The following BLTP1 variants were observed in gnomAD, a reference collection of about 807,000 sequenced individuals.
The protein encoded by BLTP1 is fragile site-associated protein.
At chr4:122,331,473 T>C in the BLTP1 span, 1 of 1,611,892 alleles carries the variant, frequency 6.2e-7, no homozygotes. Context: ...GGGTTGAAAT[T>C]GATAGTGGAA....
At chr4:122,262,189 T>TG in the BLTP1 span, among the ~76,000 whole-genome samples, 2 of 150,888 alleles carry the variant, frequency 1.3e-5, no homozygotes, top group South Asian at 2.1e-4. Context: ...TGTGTGTGTA[T>TG]AGTAAGTTTT....
At chr4:122,187,026 CA>C in the BLTP1 span, 1 of 985,128 alleles carries the variant, frequency 1.0e-6, no homozygotes, top group Non-Finnish European at 1.2e-6. Context: ...GTGCTTAAAA[CA>C]GTAGACAAAC....
chr4:122,206,180 G>T, the BLTP1 span: 4 of 513,274 alleles, frequency 7.8e-6, no homozygotes, highest in Non-Finnish European at 1.0e-5. Context: ...ATTCACCATT[G>T]TAGTCCTAGA....
the BLTP1 span, chr4:122,305,113 A>G: frequency 3.9e-6 from 5 of 1,279,210 alleles, no homozygotes; most frequent in Non-Finnish European, 5.0e-6. Context: ...TTCTGATTAT[A>G]AATTCAGTGA....
chr4:122,343,400 C>T, the BLTP1 span: 2 of 1,612,586 alleles, frequency 1.2e-6, no homozygotes, highest in Non-Finnish European at 1.7e-6. Context: ...ATTTCCTGTG[C>T]TCACTGTAGG....
At chr4:122,234,874 G>A in the BLTP1 span, 1 of 1,613,410 alleles carries the variant, frequency 6.2e-7, no homozygotes, top group Non-Finnish European at 8.5e-7. Flanking sequence ...ACAGTAACTG[G>A]CCTAGATTTC....
the BLTP1 span, chr4:122,189,966 T>C: frequency 6.2e-7 from 1 of 1,604,432 alleles, no homozygotes; most frequent in Non-Finnish European, 8.5e-7. Context: ...TCTGGAGATT[T>C]GTTTAGTTTG....
chr4:122,251,113 A>C, the BLTP1 span: 1 of 985,076 alleles, frequency 1.0e-6, no homozygotes, highest in East Asian at 1.1e-4. Flanking sequence ...TCGTGCCACT[A>C]ACTGGTGACC....
chr4:122,192,369 G>T, the BLTP1 span: 1 of 1,600,646 alleles, frequency 6.2e-7, no homozygotes, highest in Middle Eastern at 1.7e-4. Context: ...ACCATGGGCC[G>T]ATAGGCAGAG....
chr4:122,199,236 A>T, the BLTP1 span: 8 of 1,374,920 alleles, frequency 5.8e-6, no homozygotes, highest in African/African-American at 1.5e-5. Flanking sequence ...GGTGTGTTTA[A>T]ATAGTGACTA....
the BLTP1 span, chr4:122,263,304 C>A: frequency 1.4e-6 from 2 of 1,405,750 alleles, no homozygotes; most frequent in Non-Finnish European, 1.8e-6. Flanking sequence ...ATCCAAATAC[C>A]AACATTATGC....
the BLTP1 span, among the ~76,000 whole-genome samples, chr4:122,194,052 C>T: frequency 2.6e-5 from 4 of 152,010 alleles, no homozygotes; most frequent in South Asian, 4.2e-4. Flanking sequence ...TTAGTAGAGA[C>T]GGGGTTTCAC....
chr4:122,245,052 C>G, the BLTP1 span: 2 of 1,611,850 alleles, frequency 1.2e-6, no homozygotes, highest in Admixed American at 3.3e-5. Flanking sequence ...TGTGCTAGTA[C>G]CCGACATCCA....
At chr4:122,307,556 T>A in the BLTP1 span, 1 of 984,450 alleles carries the variant, frequency 1.0e-6, no homozygotes, top group Non-Finnish European at 1.2e-6. Context: ...TTTAATGGTA[T>A]GTTCCTAGCA....
the BLTP1 span, among the ~76,000 whole-genome samples, chr4:122,317,823 A>C: frequency 1.8e-3 from 268 of 152,286 alleles, 2 homozygotes; most frequent in African/African-American, 6.2e-3. Flanking sequence ...CCTTTCCTCC[A>C]AAATCGTACC....
the BLTP1 span, chr4:122,304,831 A>G: frequency 6.2e-7 from 1 of 1,613,926 alleles, no homozygotes; most frequent in Non-Finnish European, 8.5e-7. Flanking sequence ...TCCATCAATG[A>G]GAGCTGTAAG....
At chr4:122,335,075 A>G in the BLTP1 span, among the ~76,000 whole-genome samples, 11 of 151,910 alleles carry the variant, frequency 7.2e-5, no homozygotes, top group South Asian at 6.2e-4. Flanking sequence ...TCAGATGACA[A>G]TACTTGACTG....
At chr4:122,319,679 T>C in the BLTP1 span, among the ~76,000 whole-genome samples, 1 of 151,530 alleles carries the variant, frequency 6.6e-6, no homozygotes, top group Non-Finnish European at 1.5e-5. Context: ...TAGCTGGGAT[T>C]ACAGGCACCC....
At chr4:122,324,711 C>A in the BLTP1 span, among the ~76,000 whole-genome samples, 1 of 151,942 alleles carries the variant, frequency 6.6e-6, no homozygotes, top group Non-Finnish European at 1.5e-5. Flanking sequence ...AGGAATCTCT[C>A]ATCACATTTA....
Sources: gnomAD v4.1 joint callset for allele counts (sites outside exome capture counted in the v4.1 genomes callset) on GRCh38, gnomAD v4.1.1 for gene constraint, MANE v1.5 for transcripts, NCBI Gene and HGNC (gene_info 2026-07-23, HGNC 2026-07-21) for gene names.